Variants in SLC9A4 observed in about 807,000 individuals in gnomAD.
SLC9A4 encodes the protein solute carrier family 9 member A4.
In SLC9A4, 63 loss-of-function variants were observed where a neutral mutation model predicts 67.4. That is an observed-to-expected ratio of 0.93 (90% CI 0.76 to 1.15). The LOEUF is 1.15. SLC9A4 is among the 50% of genes most tolerant of loss of function. The pLI is 0.00. For missense variants in SLC9A4, 1,089 were observed against 987.7 expected (o/e 1.10, Z -1.38); for synonymous variants, 393 against 367.2 (o/e 1.07, Z -0.80).
intron 2 of SLC9A4, among the ~76,000 whole-genome samples, chr2:102,491,239 G>T (rs889882977): frequency 6.7e-6 from 1 of 149,978 alleles, no homozygotes; most frequent in Non-Finnish European, 1.5e-5. Flanking sequence ...CCTCATCAGG[G>T]ATGCATTTGG....
At chr2:102,474,044 G>C in intron 1 of SLC9A4, 29 bp downstream of exon 1, 1 of 1,603,064 alleles carries the variant, frequency 6.2e-7, no homozygotes. Flanking sequence ...GGTTTGGTGA[G>C]TTATCTTTTT....
chr2:102,513,637 C>A (rs534623100), intron 7 of SLC9A4, among the ~76,000 whole-genome samples: 26 of 152,294 alleles, frequency 1.7e-4, no homozygotes, highest in Middle Eastern at 3.4e-3. Flanking sequence ...CTGTAACTAC[C>A]GGGCCATTTA....
At chr2:102,531,088 A>T (rs1213249378) in intron 11 of SLC9A4, among the ~76,000 whole-genome samples, 6 of 109,538 alleles carry the variant, frequency 5.5e-5, no homozygotes, top group Non-Finnish European at 1.0e-4. Context: ...TTTGAGACGG[A>T]GTCTTGCTCT....
At chr2:102,482,292 G>A (rs1573327881) in intron 2 of SLC9A4, among the ~76,000 whole-genome samples, 2 of 152,044 alleles carry the variant, frequency 1.3e-5, no homozygotes, top group South Asian at 4.2e-4. Context: ...GACTGTCTGG[G>A]AGTTGAACCT....
chr2:102,479,390 T>C, intron 2 of SLC9A4, 88 bp downstream of exon 2: 20 of 1,367,662 alleles, frequency 1.5e-5, no homozygotes, highest in Non-Finnish European at 2.0e-5. Flanking sequence ...ACGGCTCCAG[T>C]GTGGCTCAGC....
Position 102,532,896 on chromosome 2 carries a change from T to C in SLC9A4, c.*208T>C. The C allele has an allele frequency of 2.0e-6, 1 of 499,714 alleles. No homozygotes were observed. The highest frequency in any genetic ancestry group is 3.5e-6 in the Non-Finnish European group (1 of 282,536). The allele number at this position is 499,714 out of a possible 1,614,324, so 31.0% of individuals were successfully genotyped here. On this transcript the variant is annotated 3_prime_UTR_variant, in exon 12 of 12. Transcript: ENST00000295269. ...CCATGTACTTATTGTGGGGTACCTT[T>C]AGATGAATTCCCTGTGAGTGAGAGA...
intron 2 of SLC9A4, among the ~76,000 whole-genome samples, chr2:102,492,825 C>T (rs766590506): frequency 3.3e-5 from 5 of 152,136 alleles, no homozygotes; most frequent in Non-Finnish European, 5.9e-5. Context: ...AGCTCATAGT[C>T]AGGCTGCAAA....
Position 102,505,441 on chromosome 2 carries a change from C to T in SLC9A4, c.1168C>T (p.Leu390=). ...GAACTGGGCCTTCATCTGCTTCACC[C>T]TGGCCTTCTGCCAAATCTGGAGAGC... ...EWNWAFICFT[L]AFCQIWRAIS... Residue 390 remains leucine, a synonymous_variant, in exon 4 of 12, where the codon CTG becomes TTG. Coordinates refer to ENST00000295269, the MANE Select transcript of SLC9A4 (RefSeq NM_001011552.4). 2 of 1,614,194 alleles carry T rather than the reference C, an allele frequency of 1.2e-6. No homozygotes were observed. Among genetic ancestry groups the T allele is most frequent in the African/African-American group, 1.3e-5 (1 of 75,066 alleles).
Position 102,531,062 on chromosome 2 carries a change from C to CTTTT in SLC9A4, c.2039-1253_2039-1250dup, listed in dbSNP as rs5833023. Reference sequence around the variant, plus strand: ...GATTTAAATATAAAATACCTAAATTCTTTTTTTTTTTTTTTTTTGAGACGG... The same window carrying CTTTT: ...GATTTAAATATAAAATACCTAAATTCTTTTTTTTTTTTTTTTTTTTTTGAGACGG... On this transcript the variant is annotated intron_variant, in intron 11 of 11. Transcript: ENST00000295269. Among the ~76,000 whole-genome samples, 40 of 116,248 alleles carry CTTTT rather than the reference C, an allele frequency of 3.4e-4. 2 individuals are homozygous for CTTTT. The highest frequency in any genetic ancestry group is 8.3e-4 in the African/African-American group (25 of 30,010). 76.3% of individuals were successfully genotyped at this position (116,248 alleles called of 152,430 possible). A position where few individuals can be genotyped will look rare whatever the true frequency, so the allele number is the denominator to read the frequency against.
chr2:102,474,013 T>C lies in SLC9A4; in HGVS notation c.254T>C (p.Ile85Thr), dbSNP rs536499682. The change falls in exon 1 of 12, where the codon ATA (isoleucine) becomes ACA (threonine). Residue 85 changes from isoleucine to threonine, a missense_variant and splice_region_variant. Physicochemically the swap from Ile to Thr is moderately conservative, Grantham distance 89. Coordinates refer to ENST00000295269, the MANE Select transcript of SLC9A4 (RefSeq NM_001011552.4). ...ATACTTCTAGCATCCCTTGCAAAAA[T>C]AGGTAAGTCCTTAAACACCTGGTTT... ...LWILLASLAK[I>T]GFHLYHRLPG... The C allele has an allele frequency of 7.4e-6, 12 of 1,612,866 alleles. No homozygotes were observed. The highest frequency in any genetic ancestry group is 3.3e-5 in the South Asian group (3 of 91,026).
chr2:102,507,281 T>C (rs554889421), intron 4 of SLC9A4, among the ~76,000 whole-genome samples: 1 of 152,362 alleles, frequency 6.6e-6, no homozygotes, highest in African/African-American at 2.4e-5. Flanking sequence ...GGCAAGTCTG[T>C]GTGACGAGAC....
At chr2:102,483,488 C>T (rs1407443524) in intron 2 of SLC9A4, among the ~76,000 whole-genome samples, 1 of 152,158 alleles carries the variant, frequency 6.6e-6, no homozygotes, top group African/African-American at 2.4e-5. Context: ...TTACATGCGA[C>T]AATGCTGCAG....
chr2:102,506,004 A>G (rs1486490596), intron 4 of SLC9A4, among the ~76,000 whole-genome samples: 1 of 152,216 alleles, frequency 6.6e-6, no homozygotes, highest in Non-Finnish European at 1.5e-5. Flanking sequence ...TAAATAGTAT[A>G]GGTGGTTTCA....
intron 2 of SLC9A4, among the ~76,000 whole-genome samples, chr2:102,495,617 C>G (rs182502856): frequency 6.6e-6 from 1 of 151,834 alleles, no homozygotes; most frequent in South Asian, 2.1e-4. Context: ...TATAATGCCA[C>G]GATAATTATA....
In SLC9A4 at chr2:102,525,186, T is replaced by C. The variant is rs375476234; in HGVS notation, c.1950+31T>C. 4 of 1,613,392 alleles carry C rather than the reference T, an allele frequency of 2.5e-6. No individual in the cohort carries two copies. The Admixed American group carries it at 6.7e-5, about 27-fold the overall frequency. On this transcript the variant is annotated intron_variant, in intron 10 of 11. Coordinates refer to ENST00000295269, the MANE Select transcript of SLC9A4 (RefSeq NM_001011552.4). ...TTGGGGCTGGGGACTGGGACATTCC[T>C]TCAGTGTGCAAGTGTTTGTCATCTG...
Position 102,532,762 on chromosome 2 carries a change from G to A in SLC9A4, c.*74G>A. Reference sequence around the variant, plus strand: ...CTATAACTGTGAAAGGAGGATTTCTGGAATTCAGAAGAGAGCTATTGAGTT... The same window carrying A: ...CTATAACTGTGAAAGGAGGATTTCTAGAATTCAGAAGAGAGCTATTGAGTT... On this transcript the variant is annotated 3_prime_UTR_variant, in exon 12 of 12. Coordinates refer to ENST00000295269, the MANE Select transcript of SLC9A4 (RefSeq NM_001011552.4). 2 of 1,433,032 alleles carry A rather than the reference G, an allele frequency of 1.4e-6. No individual in the cohort carries two copies. Among genetic ancestry groups the A allele is most frequent in the Non-Finnish European group, 9.5e-7 (1 of 1,052,964 alleles). 88.8% of individuals were successfully genotyped at this position (1,433,032 alleles called of 1,614,324 possible).
intron 2 of SLC9A4, among the ~76,000 whole-genome samples, chr2:102,480,483 CA>C (rs1684437459): frequency 6.6e-6 from 1 of 151,888 alleles, no homozygotes; most frequent in South Asian, 2.1e-4. Context: ...TCAGCTATTG[CA>C]TAGTATTGCA....
At chr2:102,511,856 A>G (rs1233030519) in intron 6 of SLC9A4, among the ~76,000 whole-genome samples, 2 of 151,772 alleles carry the variant, frequency 1.3e-5, no homozygotes, top group African/African-American at 4.8e-5. Flanking sequence ...TAAATATGAT[A>G]TATTTTATTA....
intron 8 of SLC9A4, 81 bp downstream of exon 8, chr2:102,514,332 A>G (rs1685230922): frequency 1.1e-6 from 1 of 907,554 alleles, no homozygotes; most frequent in Non-Finnish European, 1.6e-6. Context: ...ATTTAAAGGT[A>G]TACGAGGAGT....
Sources: gnomAD v4.1 joint callset for allele counts (sites outside exome capture counted in the v4.1 genomes callset) on GRCh38, gnomAD v4.1.1 for gene constraint, MANE v1.5 for transcripts, NCBI Gene and HGNC (gene_info 2026-07-23, HGNC 2026-07-21) for gene names.